Variants in PTPRT observed in about 807,000 individuals in gnomAD.
PTPRT encodes protein tyrosine phosphatase receptor type T.
PTPRT carries 56 observed loss-of-function variants against 176.8 expected under a neutral mutation model. The ratio of observed to expected loss-of-function variants is 0.32; its 90% CI spans 0.26 to 0.40. The LOEUF is 0.40. Among genes scored for constraint, PTPRT ranks in the 10% least tolerant of loss-of-function variants. The pLI is 1.00. For synonymous variants in PTPRT, 783 were observed against 739.0 expected (o/e 1.06, Z -0.96); for missense variants, 1,540 against 1,908.2 (o/e 0.81, Z 3.60).
At chr20:42,061,123 C>T in the PTPRT span, among the ~76,000 whole-genome samples, 39 of 152,314 alleles carry the variant, frequency 2.6e-4, no homozygotes, top group African/African-American at 8.9e-4. Flanking sequence ...AGTAAACCTT[C>T]ACATCTCAGT....
At chr20:43,188,401 C>G (rs1242260618) in intron 1 of PTPRT, among the ~76,000 whole-genome samples, 2 of 152,194 alleles carry the variant, frequency 1.3e-5, no homozygotes, top group African/African-American at 2.4e-5. Flanking sequence ...TAGTACCAAG[C>G]AAGGAAGGCT....
At chr20:42,803,820 C>T (rs764470603) in intron 2 of PTPRT, among the ~76,000 whole-genome samples, 8 of 152,198 alleles carry the variant, frequency 5.3e-5, no homozygotes, top group Non-Finnish European at 7.3e-5. Flanking sequence ...TCCCAAAGTG[C>T]TGGGATTACA....
At chr20:42,975,705 T>C (rs1982905994) in intron 1 of PTPRT, among the ~76,000 whole-genome samples, 1 of 152,104 alleles carries the variant, frequency 6.6e-6, no homozygotes, top group Non-Finnish European at 1.5e-5. Flanking sequence ...CCAACACTAC[T>C]TTTCTGGAGG....
At chr20:42,618,636 C>T (rs1269580589) in intron 7 of PTPRT, among the ~76,000 whole-genome samples, 3 of 128,268 alleles carry the variant, frequency 2.3e-5, no homozygotes, top group African/African-American at 3.6e-5. Flanking sequence ...GTATTGGGTG[C>T]ATATATATTT....
At chr20:42,799,853 T>C (rs904407897) in intron 2 of PTPRT, among the ~76,000 whole-genome samples, 1 of 152,196 alleles carries the variant, frequency 6.6e-6, no homozygotes, top group Non-Finnish European at 1.5e-5. Context: ...GAAGTCTGTT[T>C]CCAAGACTTT....
At chr20:42,808,655 G>T (rs2077649359) in intron 2 of PTPRT, among the ~76,000 whole-genome samples, 1 of 152,094 alleles carries the variant, frequency 6.6e-6, no homozygotes, top group Non-Finnish European at 1.5e-5. Context: ...TCTTTGTCAA[G>T]GTTCCCTCTA....
At chr20:42,153,605 T>C (rs1359663171) in intron 17 of PTPRT, among the ~76,000 whole-genome samples, 1 of 152,202 alleles carries the variant, frequency 6.6e-6, no homozygotes, top group Non-Finnish European at 1.5e-5. Context: ...GTCTCTTCCC[T>C]TTTCCCTTAA....
At chr20:43,171,660 A>T (rs540800424) in intron 1 of PTPRT, among the ~76,000 whole-genome samples, 1 of 152,270 alleles carries the variant, frequency 6.6e-6, no homozygotes, top group East Asian at 1.9e-4. Flanking sequence ...CATCTATCAG[A>T]ATCACCTGAA....
At chr20:42,257,652 C>CCCG (rs2056670668) in intron 13 of PTPRT, among the ~76,000 whole-genome samples, 2 of 94,794 alleles carry the variant, frequency 2.1e-5, no homozygotes, top group Non-Finnish European at 4.3e-5. Context: ...CACCCCCCCC[C>CCCG]CCCCGCCCAC....
rs540407226 is a variant in PTPRT, at chr20:42,920,108, T to C, written c.89-34176A>G. On this transcript the variant is annotated intron_variant, in intron 1 of 30. Transcript: ENST00000373187. ...AAAAGAAGCTCTTTGGCTGTCCCTA[T>C]CACTTGCAATTTAAGGATGAATAAA... Among the ~76,000 whole-genome samples, 25 of 152,322 alleles carry C rather than the reference T, an allele frequency of 1.6e-4. No individual in the cohort carries two copies. In the East Asian group the frequency reaches 4.2e-3, roughly 26 times the overall value.
chr20:42,862,040 GCA>G (rs150327242), intron 2 of PTPRT, among the ~76,000 whole-genome samples: 3 of 150,656 alleles, frequency 2.0e-5, no homozygotes, highest in South Asian at 4.2e-4. Context: ...TTATACACAC[GCA>G]CACACACACA....
intron 1 of PTPRT, among the ~76,000 whole-genome samples, chr20:43,016,572 TTTTTTTTG>T (rs1985384319): frequency 7.0e-6 from 1 of 142,414 alleles, no homozygotes; most frequent in Non-Finnish European, 1.5e-5. Flanking sequence ...TTTTTTTTTT[TTTTTTTTG>T]AGGCAGAGTC....
chr20:42,112,489 C>G (rs1217182862), intron 22 of PTPRT, among the ~76,000 whole-genome samples: 1 of 152,214 alleles, frequency 6.6e-6, no homozygotes. Context: ...GTGGGACTTT[C>G]AGTGCTAAAA....
At chr20:43,131,572 T>A (rs1038306928) in intron 1 of PTPRT, among the ~76,000 whole-genome samples, 12 of 152,224 alleles carry the variant, frequency 7.9e-5, no homozygotes, top group African/African-American at 2.7e-4. Flanking sequence ...CTTTTAAGTA[T>A]CCTCTGTCTT....
At chr20:42,636,142 T>C (rs2074593952) in intron 7 of PTPRT, among the ~76,000 whole-genome samples, 1 of 152,118 alleles carries the variant, frequency 6.6e-6, no homozygotes, top group Non-Finnish European at 1.5e-5. Context: ...CCAGAAATCC[T>C]GGGGAAGGGT....
chr20:42,898,414 C>T (rs2079342011), intron 1 of PTPRT, among the ~76,000 whole-genome samples: 2 of 152,116 alleles, frequency 1.3e-5, no homozygotes, highest in African/African-American at 4.8e-5. Flanking sequence ...TTCCTATGTG[C>T]TCAGGCTGGT....
At chr20:42,037,773 A>G in the PTPRT span, among the ~76,000 whole-genome samples, 2 of 152,192 alleles carry the variant, frequency 1.3e-5, no homozygotes, top group Non-Finnish European at 2.9e-5. Flanking sequence ...ACTGAAGGAC[A>G]CTGAAGACAC....
chr20:42,769,390 C>T (rs908970901), intron 5 of PTPRT, among the ~76,000 whole-genome samples: 20 of 152,150 alleles, frequency 1.3e-4, no homozygotes, highest in Admixed American at 6.5e-5. Context: ...ATCATCAGTC[C>T]TCTAAGAAAT....
intron 9 of PTPRT, among the ~76,000 whole-genome samples, chr20:42,363,516 G>T (rs1442550307): frequency 6.6e-6 from 1 of 150,860 alleles, no homozygotes; most frequent in Non-Finnish European, 1.5e-5. Context: ...CTCCATGTTG[G>T]TCAGGCTGGT....
Sources: allele counts gnomAD v4.1 joint callset (sites outside exome capture counted in the v4.1 genomes callset), GRCh38; gene constraint gnomAD v4.1.1; transcripts MANE v1.5; gene names NCBI Gene and HGNC (gene_info 2026-07-23, HGNC 2026-07-21).